ZNF469: variants seen among roughly 807,000 people sequenced by gnomAD.
ZNF469 encodes the protein zinc finger protein 469.
In ZNF469, 1 loss-of-function variant was observed where a neutral mutation model predicts 1.0. That is an observed-to-expected ratio of 1.00 (90% confidence interval 0.35 to 4.73). The LOEUF (loss-of-function observed/expected upper bound fraction) is 4.73. ZNF469 is among the 30% of genes most tolerant of loss of function. The probability of loss-of-function intolerance (pLI) is 0.16; values close to 1 mark genes in which losing one functional copy is unlikely to be tolerated. For missense variants in ZNF469, 6,100 were observed against 5,356.3 expected (o/e 1.14, Z -4.33); for synonymous variants, 2,703 against 2,363.4 (o/e 1.14, Z -4.17).
At chr16:88,187,588 CTTTT>C in the ZNF469 span, among the ~76,000 whole-genome samples, 1 of 151,340 alleles carries the variant, frequency 6.6e-6, no homozygotes, top group Non-Finnish European at 1.5e-5. Flanking sequence ...TTTTTTCTTT[CTTTT>C]TTATTTATTT....
rs1485876620 is a variant in ZNF469 at position 88,429,052 on chromosome 16, C to T, written c.1582C>T (p.Pro528Ser). The change falls in exon 3 of 3, where the codon CCG becomes TCG. Residue 528 changes from proline (P) to serine (S), a missense_variant. Pro to Ser is a moderately conservative substitution (Grantham distance 74, BLOSUM62 -1). Transcript: ENST00000565624. The stretch of plus-strand genomic sequence containing the variant: ...AGCCCTGGGCACTGCTGGCAAGACA[C>T]CGGGACCCAGAGAGAAGCTGCCAGC... ...QGALGTAGKT[P>S]GPREKLPAVR... 6.5e-7 allele frequency: 1 copy of T among 1,549,836 alleles called. No individual in the cohort carries two copies. Among genetic ancestry groups the T allele is most frequent in the African/African-American group, 1.4e-5 (1 of 73,020 alleles).
intron 1 of ZNF469, among the ~76,000 whole-genome samples, chr16:88,421,711 G>A (rs528951407): frequency 1.9e-4 from 29 of 152,370 alleles, no homozygotes; most frequent in African/African-American, 5.5e-4. Context: ...GAGGCAGTGG[G>A]GTGGGGCCAC....
At chr16:88,206,818 G>A in the ZNF469 span, among the ~76,000 whole-genome samples, 5 of 100,180 alleles carry the variant, frequency 5.0e-5, 1 homozygote, top group Middle Eastern at 9.6e-3. Context: ...CCGTGGGGAC[G>A]GAGGGGAGGG....
At chr16:88,395,235 GTAGATGGATGGA>G (rs1220979726) in intron 1 of ZNF469, among the ~76,000 whole-genome samples, 12,044 of 138,418 alleles carry the variant, frequency 0.087, 911 homozygotes, top group Middle Eastern at 0.11. Flanking sequence ...GGGTGGATGG[GTAGATGGATGGA>G]TGGATGGATG....
chr16:88,374,211 G>A, the ZNF469 span, among the ~76,000 whole-genome samples: 1 of 152,298 alleles, frequency 6.6e-6, no homozygotes, highest in African/African-American at 2.4e-5. Context: ...GAGAGCCAGT[G>A]CACAGCGAGA....
Position 88,437,096 on chromosome 16 carries a change from G to A in ZNF469, c.9626G>A (p.Arg3209Lys). Reference protein sequence around the residue: ...VRFARRGQARRSLGDLPGGLE... With the variant: ...VRFARRGQARKSLGDLPGGLE... ...TTCGCCCGCAGGGGGCAGGCGCGGA[G>A]GTCCTTGGGGGACCTGCCCGGAGGC... is the stretch of plus-strand genomic sequence containing the variant. The change falls in exon 3 of 3, where the codon AGG becomes AAG. Residue 3209 changes from arginine (R) to lysine (K), a missense_variant. By Grantham distance (26) the Arg-to-Lys change is conservative. Transcript: ENST00000565624. The A allele has an allele frequency of 6.5e-7, 1 of 1,546,382 alleles. No individual in the cohort carries two copies. The highest frequency in any genetic ancestry group is 8.7e-7 in the Non-Finnish European group (1 of 1,146,256).
the ZNF469 span, among the ~76,000 whole-genome samples, chr16:88,137,864 C>G: frequency 6.6e-6 from 1 of 152,174 alleles, no homozygotes; most frequent in South Asian, 2.1e-4. Flanking sequence ...GCAGATTTGG[C>G]TGGGAGACCA....
chr16:88,391,320 G>T (rs538589704), intron 1 of ZNF469, among the ~76,000 whole-genome samples: 3 of 152,394 alleles, frequency 2.0e-5, no homozygotes, highest in South Asian at 2.1e-4. Context: ...GCCACCTCTT[G>T]CTTGGCAGAA....
At position 88,435,468 on chromosome 16, in the gene ZNF469, T is replaced by C. The variant is rs1032798293; in HGVS notation, c.7998T>C (p.Pro2666=). The C allele has an allele frequency of 6.5e-7, 1 of 1,549,420 alleles. No homozygotes were observed. Among genetic ancestry groups the C allele is most frequent in the African/African-American group, 1.4e-5 (1 of 73,010 alleles). ...ISDGRGSRPS[P]AMASYAASPS... is the part of the protein sequence containing the mutation. ...ATGGGCGCGGCTCCAGACCATCCCC[T>C]GCAATGGCCAGTTACGCAGCCTCTC... The change falls in exon 3 of 3, where the codon CCT becomes CCC. Residue 2666 remains proline, a synonymous_variant. Coordinates refer to ENST00000565624, the MANE Select transcript of ZNF469 (RefSeq NM_001367624.2).
At chr16:88,209,355 A>T in the ZNF469 span, among the ~76,000 whole-genome samples, 6,128 of 150,528 alleles carry the variant, frequency 0.041, 143 homozygotes, top group Middle Eastern at 0.1. Context: ...CAGTGGCGCG[A>T]CCTTGACTCA....
chr16:88,395,964 C>G (rs1567499882), intron 1 of ZNF469, among the ~76,000 whole-genome samples: 1 of 152,268 alleles, frequency 6.6e-6, no homozygotes, highest in Non-Finnish European at 1.5e-5. Flanking sequence ...GTCATCCCCA[C>G]TGCAGGTGAC....
the ZNF469 span, among the ~76,000 whole-genome samples, chr16:88,350,268 C>T: frequency 2.0e-5 from 3 of 152,262 alleles, no homozygotes; most frequent in East Asian, 5.8e-4. Flanking sequence ...GTCCCAAGGG[C>T]CCTGCCCCCC....
the ZNF469 span, among the ~76,000 whole-genome samples, chr16:88,337,944 A>G: frequency 6.6e-6 from 1 of 152,006 alleles, no homozygotes; most frequent in Non-Finnish European, 1.5e-5. Flanking sequence ...CCTGCCTTTC[A>G]CTTTCTCAAT....
chr16:88,315,663 G>A, the ZNF469 span, among the ~76,000 whole-genome samples: 7 of 152,194 alleles, frequency 4.6e-5, no homozygotes, highest in South Asian at 4.1e-4. Flanking sequence ...ACATCCGTGC[G>A]TCTGCCTGTG....
At chr16:88,327,582 G>T in the ZNF469 span, among the ~76,000 whole-genome samples, 1 of 152,102 alleles carries the variant, frequency 6.6e-6, no homozygotes, top group African/African-American at 2.4e-5. Flanking sequence ...ACGGTGGGCT[G>T]CGTCACCGGC....
chr16:88,185,831 A>G, the ZNF469 span, among the ~76,000 whole-genome samples: 87 of 152,136 alleles, frequency 5.7e-4, no homozygotes, highest in Non-Finnish European at 9.0e-4. Flanking sequence ...GCCCAGACCT[A>G]CAGACACACT....
the ZNF469 span, among the ~76,000 whole-genome samples, chr16:88,252,980 C>T: frequency 6.6e-5 from 10 of 152,140 alleles, no homozygotes; most frequent in South Asian, 2.1e-4. Context: ...TTGTATCTGC[C>T]GGTTTTTTGC....
chr16:88,239,625 C>A, the ZNF469 span, among the ~76,000 whole-genome samples: 1 of 137,086 alleles, frequency 7.3e-6, no homozygotes. Context: ...GTAGCTGGGA[C>A]TACAGGCACC....
the ZNF469 span, among the ~76,000 whole-genome samples, chr16:88,278,891 CGTGT>C: frequency 7.0e-6 from 1 of 143,722 alleles, no homozygotes; most frequent in Admixed American, 7.2e-5. Flanking sequence ...CGGTCAGTAC[CGTGT>C]AGATATCAGT....
Sources: allele counts gnomAD v4.1 joint callset (sites outside exome capture counted in the v4.1 genomes callset), GRCh38; gene constraint gnomAD v4.1.1; transcripts MANE v1.5; gene names NCBI Gene and HGNC (gene_info 2026-07-23, HGNC 2026-07-21).